The following FUZ variants were observed in gnomAD, a reference collection of about 807,000 sequenced individuals.
FUZ encodes fuzzy planar cell polarity protein, also known as protein fuzzy homolog.
FUZ carries 31 observed loss-of-function variants against 43.1 expected under a neutral mutation model. The ratio of observed to expected loss-of-function variants is 0.72; its 90% confidence interval spans 0.54 to 0.97. The LOEUF (loss-of-function observed/expected upper bound fraction) is 0.97. Among genes scored for constraint, FUZ ranks in the 50% least tolerant of loss-of-function variants. The pLI, the probability that FUZ is intolerant of heterozygous loss-of-function variation, is 0.00. For synonymous variants in FUZ, 274 were observed against 250.0 expected (o/e 1.10, Z -0.91); for missense variants, 539 against 543.8 (o/e 0.99, Z 0.09).
intron 10 of FUZ, chr19:49,808,164 G>GA (rs1213539683): frequency 1.7e-6 from 1 of 581,234 alleles, no homozygotes; most frequent in Non-Finnish European, 3.1e-6. Flanking sequence ...AAGGCACTGG[G>GA]AAGAGGTGAG....
Position 49,812,646 on chromosome 19 carries a change from T to A in FUZ, c.202A>T (p.Thr68Ser), listed in dbSNP as rs771437208. 4 of 1,614,146 alleles carry A rather than the reference T, an allele frequency of 2.5e-6. No homozygotes were observed. The South Asian group carries it at 4.4e-5, about 18-fold the overall frequency. The stretch of plus-strand genomic sequence containing the variant: ...TGGAAGCTTTTCCACACCACAGTCG[T>A]GTTCTCGGTCCTCGCAGAGCTCAGC... Reference protein sequence around the residue: ...VQLSSARTENTTVVWKSFHDS... With the variant: ...VQLSSARTENSTVVWKSFHDS... The change falls in exon 2 of 11, where the codon ACG (threonine) becomes TCG (serine). Residue 68 changes from threonine to serine, a missense_variant. Transcript: ENST00000313777.
intron 2 of FUZ, 52 bp from the exon 3 acceptor site, chr19:49,812,387 G>C (rs750884328): frequency 4.0e-6 from 6 of 1,514,452 alleles, no homozygotes; most frequent in Non-Finnish European, 5.5e-6. Context: ...ATCAGGAAGG[G>C]GTATGTTGGA....
Position 49,809,574 on chromosome 19 carries a change from T to A in FUZ, c.494A>T (p.Glu165Val). ...GGCCTCAGCGAACCCGGAGAGGGCT[T>A]CCTGGGTACGGGAGGCAGGAGGACT... is the stretch of plus-strand genomic sequence containing the variant. ...VIPPEGSLLQEALSGFAEAAG... is the reference protein window; with the variant it reads ...VIPPEGSLLQVALSGFAEAAG... Residue 165 changes from glutamate (E) to valine (V), a missense_variant and splice_region_variant, in exon 6 of 11, where the codon GAA becomes GTA. Physicochemically the swap from Glu to Val is moderately radical, Grantham distance 121 (BLOSUM62 -2). Coordinates refer to ENST00000313777, the MANE Select transcript of FUZ (RefSeq NM_025129.5). The surrounding 1 kb of genome is among the most constrained non-coding windows in gnomAD (Gnocchi z 5.1). The A allele has an allele frequency of 6.3e-7, 1 of 1,593,610 alleles. No individual in the cohort carries two copies. Among genetic ancestry groups the A allele is most frequent in the South Asian group, 1.1e-5 (1 of 88,770 alleles).
intron 10 of FUZ, among the ~76,000 whole-genome samples, chr19:49,807,614 CTG>C (rs1178761898): frequency 4.6e-5 from 7 of 152,188 alleles, no homozygotes; most frequent in Admixed American, 2.0e-4. Flanking sequence ...CCTGGAGAAA[CTG>C]TGCAGCTGCA....
rs11557714 is a variant in FUZ, at chr19:49,808,791, G to A, written c.819C>T (p.Asp273=). Residue 273 remains aspartate (D), a synonymous_variant, in exon 8 of 11, where the codon GAC becomes GAT. Transcript: ENST00000313777. ...LLERWWQPLL[D]PLRACLPLGP... is the part of the protein sequence containing the mutation. ...CCAACGGCAGACAGGCCCGCAACGG[G>A]TCCAGCAGTGGCTGCCACCAGCGCT... is the stretch of plus-strand genomic sequence containing the variant. 75,737 of 1,556,790 alleles carry A rather than the reference G, an allele frequency of 0.049. 2,160 individuals are homozygous for A. The highest frequency in any genetic ancestry group is 0.055 in the Non-Finnish European group (63,373 of 1,150,734).
rs1401722099 is a variant in FUZ, at chr19:49,808,470, C to A, written c.977G>T (p.Arg326Leu). 1 of 1,612,158 alleles carries A rather than the reference C, an allele frequency of 6.2e-7. No individual in the cohort carries two copies. The highest frequency in any genetic ancestry group is 1.3e-5 in the African/African-American group (1 of 74,916). ...ATAGAAGTTTCGGAGGAGGCGCCGG[C>A]GCTGTTCTGGTGAAGGCTCTGCTGG... ...LGDKEPSPEQRRRLLRNFYTL... is the reference protein window; with the variant it reads ...LGDKEPSPEQLRRLLRNFYTL... Residue 326 changes from arginine (R) to leucine (L), a missense_variant, in exon 10 of 11, where the codon CGC becomes CTC. Coordinates refer to ENST00000313777, the MANE Select transcript of FUZ (RefSeq NM_025129.5).
chr19:49,812,027 G>A (rs2073818298), intron 3 of FUZ, among the ~76,000 whole-genome samples: 1 of 152,226 alleles, frequency 6.6e-6, no homozygotes, highest in African/African-American at 2.4e-5. Context: ...AGAATCGCTT[G>A]AACCTGGGAG....
rs1487729370 is a variant in FUZ at position 49,813,235 on chromosome 19, G to A, written c.-129C>T. On this transcript the variant is annotated 5_prime_UTR_variant, in exon 1 of 11. Coordinates refer to ENST00000313777, the MANE Select transcript of FUZ (RefSeq NM_025129.5). ...GCGAGATGGGGAGCTGATTGGAAGAGGATTAACTTCCCGCCTTCTTCACCC... is the reference window on the plus strand; with the variant it reads ...GCGAGATGGGGAGCTGATTGGAAGAAGATTAACTTCCCGCCTTCTTCACCC... The A allele has an allele frequency of 2.4e-6, 2 of 843,662 alleles. No individual in the cohort carries two copies. Among genetic ancestry groups the A allele is most frequent in the Non-Finnish European group, 3.9e-6 (2 of 506,680 alleles). 52.3% of individuals were successfully genotyped at this position (843,662 alleles called of 1,614,324 possible).
upstream of FUZ, chr19:49,813,509 C>A: frequency 2.9e-6 from 1 of 342,194 alleles, no homozygotes; most frequent in Non-Finnish European, 5.7e-6. Context: ...GAAAAAACAG[C>A]TGTGCCCGGA....
chr19:49,808,688 C>T lies in FUZ; in HGVS notation c.893+29G>A, dbSNP rs368021335. On this transcript the variant is annotated intron_variant, in intron 8 of 10. Coordinates refer to ENST00000313777, the MANE Select transcript of FUZ (RefSeq NM_025129.5). The stretch of plus-strand genomic sequence containing the variant: ...ATGGCTGGGGAAGAGGACATGACCC[C>T]CGACCCACTCCCTCCATCCGAGCCC... 3.9e-5 allele frequency: 63 copies of T among 1,603,218 alleles called. No homozygotes were observed. The African/African-American group carries it at 7.2e-4, about 18-fold the overall frequency.
intron 10 of FUZ, 126 bp from the exon 11 acceptor site, chr19:49,807,500 CA>C: frequency 1.1e-6 from 1 of 933,560 alleles, no homozygotes; most frequent in South Asian, 1.4e-5. Flanking sequence ...AGCCTCCTGC[CA>C]GGGGAGGGCC....
In FUZ at chr19:49,811,408, G is replaced by A. The variant is rs2073784165; in HGVS notation, c.447C>T (p.Thr149=). ...LGDSELIGDL[T]QCVDCVIPPE... ...GAGGAATCACGCAGTCCACACACTG[G>A]GTCAGGTCCCCGATGAGCTCCGAGT... is the stretch of plus-strand genomic sequence containing the variant. The change falls in exon 5 of 11, where the codon ACC becomes ACT. Residue 149 remains threonine (T), a synonymous_variant. Transcript: ENST00000313777. 1.2e-6 allele frequency: 2 copies of A among 1,613,470 alleles called. No individual in the cohort carries two copies. The highest frequency in any genetic ancestry group is 1.3e-5 in the African/African-American group (1 of 74,974).
At position 49,809,546 on chromosome 19, in the gene FUZ, C is replaced by T. The variant is rs138669997; in HGVS notation, c.522G>A (p.Ala174=). Reference sequence around the variant, plus strand: ...CCACCAGACTGACGAAGGTCGTGCCCGCGGCCTCAGCGAACCCGGAGAGGG... The same window carrying T: ...CCACCAGACTGACGAAGGTCGTGCCTGCGGCCTCAGCGAACCCGGAGAGGG... ...QEALSGFAEA[A]GTTFVSLVVS... The change falls in exon 6 of 11, where the codon GCG becomes GCA. Residue 174 remains alanine (A), a synonymous_variant. Transcript: ENST00000313777. The surrounding 1 kb of genome is among the most constrained non-coding windows in gnomAD (Gnocchi z 5.1). The T allele has an allele frequency of 4.6e-5, 74 of 1,600,426 alleles. No individual in the cohort carries two copies. In the African/African-American group the frequency reaches 9.1e-4, roughly 20 times the overall value.
intron 10 of FUZ, chr19:49,808,064 A>T: frequency 2.6e-6 from 1 of 384,514 alleles, no homozygotes; most frequent in African/African-American, 2.1e-5. Flanking sequence ...GCTGAGCCTC[A>T]GTTTCCTCAT....
chr19:49,806,966 TCCCTTTC>T lies in FUZ; in HGVS notation c.*178_*184del. ...GGGGGTTAGGGGGAGTCCCCCTCCC[TCCCTTTC>T]CCCCCCAAGCACAGAGGGGAGAGGG... On this transcript the variant is annotated 3_prime_UTR_variant, in exon 11 of 11. Transcript: ENST00000313777. The T allele has an allele frequency of 1.4e-6, 2 of 1,396,556 alleles. No homozygotes were observed. Among genetic ancestry groups the T allele is most frequent in the Non-Finnish European group, 1.9e-6 (2 of 1,059,656 alleles). The allele number at this position is 1,396,556 out of a possible 1,614,324, so 86.5% of individuals were successfully genotyped here.
Position 49,806,956 on chromosome 19 carries a change from T to TC in FUZ, c.*194dup. 6.5e-7 allele frequency: 1 copy of TC among 1,530,064 alleles called. No homozygotes were observed. Among genetic ancestry groups the TC allele is most frequent in the Non-Finnish European group, 8.7e-7 (1 of 1,145,744 alleles). 94.8% of individuals were successfully genotyped at this position (1,530,064 alleles called of 1,614,324 possible). ...TTACATTCTGGGGGGTTAGGGGGAG[T>TC]CCCCCTCCCTCCCTTTCCCCCCCAA... is the stretch of plus-strand genomic sequence containing the variant. On this transcript the variant is annotated 3_prime_UTR_variant, in exon 11 of 11. Transcript: ENST00000313777.
chr19:49,808,719 G>C lies in FUZ; in HGVS notation c.891C>G (p.Leu297=). 1.3e-6 allele frequency: 2 copies of C among 1,592,876 alleles called. No individual in the cohort carries two copies. The highest frequency in any genetic ancestry group is 1.7e-6 in the Non-Finnish European group (2 of 1,169,726). The stretch of plus-strand genomic sequence containing the variant: ...CACTCCCTCCATCCGAGCCCTACCC[G>C]AGGATGTCTGTGTGAAGGGGGAAGC... The part of the protein sequence containing the change: ...PSGFPLHTDI[L]GLLLLHLELK... The change falls in exon 8 of 11, where the codon CTC becomes CTG. Residue 297 remains leucine, a splice_region_variant and synonymous_variant. Coordinates refer to ENST00000313777, the MANE Select transcript of FUZ (RefSeq NM_025129.5).
At position 49,807,092 on chromosome 19, in the gene FUZ, G is replaced by T; in HGVS notation, c.*59C>A. On this transcript the variant is annotated 3_prime_UTR_variant, in exon 11 of 11. Coordinates refer to ENST00000313777, the MANE Select transcript of FUZ (RefSeq NM_025129.5). Reference sequence around the variant, plus strand: ...CCAGGGGCTGTGTATTATTGTGAGCGAATAAACAGAGAGACGCTAACAGCC... The same window carrying T: ...CCAGGGGCTGTGTATTATTGTGAGCTAATAAACAGAGAGACGCTAACAGCC... 1 of 1,605,766 alleles carries T rather than the reference G, an allele frequency of 6.2e-7. No individual in the cohort carries two copies.
At chr19:49,810,636 G>A (rs946489124) in intron 5 of FUZ, among the ~76,000 whole-genome samples, 3 of 142,014 alleles carry the variant, frequency 2.1e-5, no homozygotes, top group African/African-American at 5.4e-5. Flanking sequence ...CCAAGATTGC[G>A]CCATTGCACT....
Sources: allele counts gnomAD v4.1 joint callset (sites outside exome capture counted in the v4.1 genomes callset), GRCh38; gene constraint gnomAD v4.1.1; non-coding constraint Gnocchi (gnomAD v3.1); transcripts MANE v1.5; gene names NCBI Gene and HGNC (gene_info 2026-07-23, HGNC 2026-07-21).